Variants in ALG14 observed in about 807,000 individuals in gnomAD.
The protein encoded by ALG14 is UDP-N-acetylglucosamine transferase subunit ALG14.
In ALG14, 17 loss-of-function variants were observed where a neutral mutation model predicts 22.8. The ratio of observed to expected loss-of-function variants is 0.75; its 90% CI spans 0.51 to 1.12. The LOEUF (loss-of-function observed/expected upper bound fraction) is 1.12. ALG14 is among the 50% of genes most tolerant of loss of function. The pLI is 0.00. For synonymous variants in ALG14, 89 were observed against 103.7 expected, an observed-to-expected ratio of 0.86 and a Z score of 0.86; for missense variants, 288 against 271.8, an observed-to-expected ratio of 1.06 and a Z score of -0.42.
chr1:95,030,122 A>C (rs970178389), intron 2 of ALG14, among the ~76,000 whole-genome samples: 2 of 152,218 alleles, frequency 1.3e-5, no homozygotes, highest in African/African-American at 2.4e-5. Flanking sequence ...AAGTGTTTGG[A>C]CAGGTAATAT....
At chr1:95,006,745 A>C (rs894153915) in intron 3 of ALG14, among the ~76,000 whole-genome samples, 2 of 152,246 alleles carry the variant, frequency 1.3e-5, no homozygotes, top group African/African-American at 4.8e-5. Flanking sequence ...GGAAGGCTCC[A>C]ATGGGCAGAG....
At chr1:95,045,981 G>GAATTAGTATTATATTATTATACT (rs1313823247) in intron 2 of ALG14, among the ~76,000 whole-genome samples, 1 of 71,684 alleles carries the variant, frequency 1.4e-5, no homozygotes, top group African/African-American at 3.7e-5. Flanking sequence ...TATACTAATA[G>GAATTAGTATTATATTATTATACT]AATTAGTATT....
In ALG14 at chr1:94,983,165, GA is replaced by G; in HGVS notation, c.561del (p.Leu188CysfsTer15). The G allele has an allele frequency of 6.2e-7, 1 of 1,614,126 alleles. No individual in the cohort carries two copies. Among genetic ancestry groups the G allele is most frequent in the East Asian group, 2.2e-5 (1 of 44,872 alleles). On this transcript the variant is annotated frameshift_variant, in exon 4 of 4. Transcript: ENST00000370205. LOFTEE classifies it high-confidence loss of function. ...RVETLSMSGK[I>X]LFHLSDYFIV... ...ATGAAGTAATCTGAGAGATGAAACA[GA>G]ATCTTTCCGGACATGGATAACGTTT...
chr1:95,047,163 C>T (rs1172441385), intron 2 of ALG14, among the ~76,000 whole-genome samples: 2 of 151,964 alleles, frequency 1.3e-5, no homozygotes, highest in African/African-American at 2.4e-5. Flanking sequence ...CAAAAAACAC[C>T]CAACACTGTC....
intron 2 of ALG14, among the ~76,000 whole-genome samples, chr1:95,048,578 T>C (rs1674646455): frequency 6.6e-6 from 1 of 152,166 alleles, no homozygotes; most frequent in Non-Finnish European, 1.5e-5. Context: ...CATGGCCTAT[T>C]GCTCTCCAGG....
intron 3 of ALG14, among the ~76,000 whole-genome samples, chr1:94,997,012 G>A (rs1384009393): frequency 6.6e-6 from 1 of 152,132 alleles, no homozygotes; most frequent in African/African-American, 2.4e-5. Context: ...GTAGTTGAGA[G>A]CATCCAGAGA....
chr1:95,020,699 T>C (rs546226107), intron 3 of ALG14, among the ~76,000 whole-genome samples: 1 of 149,636 alleles, frequency 6.7e-6, no homozygotes, highest in East Asian at 2.0e-4. Flanking sequence ...GATCACACCA[T>C]TGCACTCCAG....
At chr1:95,004,710 C>A (rs1380883796) in intron 3 of ALG14, among the ~76,000 whole-genome samples, 2 of 151,768 alleles carry the variant, frequency 1.3e-5, no homozygotes, top group Non-Finnish European at 2.9e-5. Flanking sequence ...ACCGCATTAG[C>A]CAGGATGGTC....
chr1:95,016,909 T>C (rs1673507877), intron 3 of ALG14, among the ~76,000 whole-genome samples: 10 of 149,874 alleles, frequency 6.7e-5, no homozygotes, highest in Admixed American at 6.7e-4. Context: ...ACATCCATCC[T>C]GCAGTCACCA....
rs545176954 is a variant in ALG14 at position 95,001,099 on chromosome 1, G to A, written c.421-17793C>T. On this transcript the variant is annotated intron_variant, in intron 3 of 3. Coordinates refer to ENST00000370205, the MANE Select transcript of ALG14 (RefSeq NM_144988.4). ...TAAATACAATGCTTAAGGTTAGGGG[G>A]TAATACTCAACCCTCCTGTTTCCGT... Among the ~76,000 whole-genome samples, 3 of 152,308 alleles carry A rather than the reference G, an allele frequency of 2.0e-5. No individual in the cohort carries two copies. In the South Asian group the frequency reaches 6.2e-4, roughly 32 times the overall value.
chr1:95,002,545 G>A (rs1203721527), intron 3 of ALG14, among the ~76,000 whole-genome samples: 1 of 152,172 alleles, frequency 6.6e-6, no homozygotes, highest in Non-Finnish European at 1.5e-5. Flanking sequence ...CACATGCTAC[G>A]AAAACAGCCA....
At chr1:95,002,390 G>A (rs1266876606) in intron 3 of ALG14, among the ~76,000 whole-genome samples, 2 of 151,814 alleles carry the variant, frequency 1.3e-5, no homozygotes, top group Admixed American at 6.6e-5. Context: ...AGGACCAGGG[G>A]AAGGAGGCTG....
chr1:95,028,518 A>G (rs1355470483), intron 2 of ALG14, among the ~76,000 whole-genome samples: 1 of 152,036 alleles, frequency 6.6e-6, no homozygotes, highest in East Asian at 1.9e-4. Flanking sequence ...TATTTTCATT[A>G]AAAAAAATCT....
chr1:95,062,509 C>T (rs564775948), intron 2 of ALG14, among the ~76,000 whole-genome samples: 2 of 152,152 alleles, frequency 1.3e-5, no homozygotes, highest in African/African-American at 4.8e-5. Context: ...CCCATGTATT[C>T]TCATTGTTCA....
intron 3 of ALG14, among the ~76,000 whole-genome samples, chr1:95,012,090 C>A (rs1049662389): frequency 1.3e-5 from 2 of 152,172 alleles, no homozygotes; most frequent in African/African-American, 4.8e-5. Context: ...GACTCTCATT[C>A]TCTCTTGTCT....
chr1:95,056,001 T>G (rs1236599994), intron 2 of ALG14, among the ~76,000 whole-genome samples: 1 of 141,970 alleles, frequency 7.0e-6, no homozygotes. Flanking sequence ...AGAGTGAGAC[T>G]CTGTCTCAAA....
chr1:95,058,511 G>C (rs11165292), intron 2 of ALG14, among the ~76,000 whole-genome samples: 26,395 of 150,318 alleles, frequency 0.18, 2,902 homozygotes, highest in East Asian at 0.52. Flanking sequence ...CGACTACTTG[G>C]GAGGCTGAGT....
chr1:94,999,945 C>T (rs915234450), intron 3 of ALG14, among the ~76,000 whole-genome samples: 5 of 152,298 alleles, frequency 3.3e-5, no homozygotes, highest in African/African-American at 1.2e-4. Flanking sequence ...ACCCTCCCAC[C>T]CACATTCCCA....
At chr1:94,991,706 GTTCT>G (rs1672778141) in intron 3 of ALG14, among the ~76,000 whole-genome samples, 2 of 151,964 alleles carry the variant, frequency 1.3e-5, no homozygotes, top group Non-Finnish European at 2.9e-5. Context: ...AAACATTTTT[GTTCT>G]TTCTTCAATA....
Sources: gnomAD v4.1 joint callset for allele counts (sites outside exome capture counted in the v4.1 genomes callset) on GRCh38, gnomAD v4.1.1 for gene constraint, MANE v1.5 for transcripts, NCBI Gene and HGNC (gene_info 2026-07-23, HGNC 2026-07-21) for gene names.